LINGO1: variants seen among roughly 807,000 people sequenced by gnomAD.
LINGO1 encodes leucine-rich repeat and immunoglobulin-like domain-containing nogo receptor-interacting protein 1.
In LINGO1, 11 loss-of-function variants were observed where a neutral mutation model predicts 37.3. The ratio of observed to expected loss-of-function variants is 0.29; its 90% CI spans 0.19 to 0.49. The LOEUF is 0.49. Among genes scored for constraint, LINGO1 ranks in the 20% least tolerant of loss-of-function variants. The pLI, the probability that LINGO1 is intolerant of heterozygous loss-of-function variation, is 0.99. For missense variants in LINGO1, 585 were observed against 878.2 expected (o/e 0.67, Z 4.22); for synonymous variants, 387 against 403.0 (o/e 0.96, Z 0.48).
intron 1 of LINGO1, among the ~76,000 whole-genome samples, chr15:77,765,000 C>T (rs2076513376): frequency 6.6e-6 from 1 of 152,190 alleles, no homozygotes; most frequent in African/African-American, 2.4e-5. Flanking sequence ...AACCCCATCA[C>T]AACAGTGAAG....
chr15:77,744,531 C>T (rs879143637), intron 1 of LINGO1, among the ~76,000 whole-genome samples: 14 of 152,136 alleles, frequency 9.2e-5, no homozygotes, highest in Admixed American at 7.2e-4. Context: ...TGAGACCCTA[C>T]ATCAAAATTA....
intron 1 of LINGO1, among the ~76,000 whole-genome samples, chr15:77,776,660 T>C (rs952537509): frequency 6.6e-6 from 1 of 152,074 alleles, no homozygotes; most frequent in East Asian, 1.9e-4. Flanking sequence ...GCTGGTGTTA[T>C]GAAGAAGAAA....
intron 2 of LINGO1, among the ~76,000 whole-genome samples, chr15:77,722,037 C>T (rs928397715): frequency 1.1e-4 from 16 of 152,212 alleles, no homozygotes; most frequent in Non-Finnish European, 1.0e-4. Context: ...CTTGATGCTC[C>T]CACCCCTCTC....
intron 2 of LINGO1, among the ~76,000 whole-genome samples, chr15:77,684,396 G>A (rs1260410876): frequency 6.6e-6 from 1 of 152,226 alleles, no homozygotes; most frequent in East Asian, 1.9e-4. Flanking sequence ...GAGGGGGTAA[G>A]TGGACCTAGG....
chr15:77,646,389 A>AG, intron 3 of LINGO1: 1 of 450,788 alleles, frequency 2.2e-6, no homozygotes, highest in Non-Finnish European at 4.5e-6. Context: ...TCCCCACAGG[A>AG]CACCCCTCTG....
At chr15:77,723,006 G>A (rs1329349618) in intron 2 of LINGO1, among the ~76,000 whole-genome samples, 7 of 152,190 alleles carry the variant, frequency 4.6e-5, no homozygotes, top group Admixed American at 3.9e-4. Flanking sequence ...CAGGTCGGGG[G>A]CCCTCAGGAC....
At chr15:77,777,256 T>C (rs1212357133) in intron 1 of LINGO1, among the ~76,000 whole-genome samples, 1 of 106,702 alleles carries the variant, frequency 9.4e-6, no homozygotes, top group African/African-American at 3.6e-5. Flanking sequence ...CTGTCGTTGT[T>C]ATCATGGTGG....
intron 1 of LINGO1, among the ~76,000 whole-genome samples, chr15:77,773,269 T>C (rs2076603767): frequency 6.6e-6 from 1 of 152,222 alleles, no homozygotes; most frequent in Non-Finnish European, 1.5e-5. Context: ...TGCAGCAGGC[T>C]GTGGGGGAAG....
intron 1 of LINGO1, among the ~76,000 whole-genome samples, chr15:77,752,648 T>G (rs1194062707): frequency 1.3e-5 from 2 of 152,110 alleles, no homozygotes; most frequent in Non-Finnish European, 2.9e-5. Context: ...CAGCCAACCC[T>G]AGGTAAGGGA....
rs560990471 is a variant in LINGO1 at position 77,627,255 on chromosome 15, G to A, written c.6+5055C>T. 1.1e-3 allele frequency among the ~76,000 whole-genome samples: 168 copies of A among 152,210 alleles called. 1 individual carries two copies. Among genetic ancestry groups the A allele is most frequent in the Middle Eastern group, 3.4e-3 (1 of 294 alleles). On this transcript the variant is annotated intron_variant, in intron 1 of 1. Transcript: ENST00000355300. Reference sequence around the variant, plus strand: ...AATTATTCCGCCAGCCCCGGTGCTCGTCTTTAACCAGCTCCAGGGGCCCAG... The same window carrying A: ...AATTATTCCGCCAGCCCCGGTGCTCATCTTTAACCAGCTCCAGGGGCCCAG...
At chr15:77,739,305 T>C (rs905413046) in intron 1 of LINGO1, among the ~76,000 whole-genome samples, 13 of 152,190 alleles carry the variant, frequency 8.5e-5, no homozygotes, top group Non-Finnish European at 1.5e-5. Flanking sequence ...AGAAGATTGA[T>C]CTTTGCCTGA....
intron 1 of LINGO1, among the ~76,000 whole-genome samples, chr15:77,809,763 G>C (rs961949400): frequency 6.6e-6 from 1 of 152,200 alleles, no homozygotes; most frequent in Non-Finnish European, 1.5e-5. Flanking sequence ...AGCAGAGGAC[G>C]CCCAGCCCCT....
intron 2 of LINGO1, among the ~76,000 whole-genome samples, chr15:77,792,128 C>A (rs985006244): frequency 6.6e-6 from 1 of 152,218 alleles, no homozygotes; most frequent in Non-Finnish European, 1.5e-5. Flanking sequence ...ACCTCAAACA[C>A]TTCCAAGCAG....
At chr15:77,815,373 C>G (rs1370535603) in intron 1 of LINGO1, among the ~76,000 whole-genome samples, 1 of 147,278 alleles carries the variant, frequency 6.8e-6, no homozygotes, top group Admixed American at 6.8e-5. Flanking sequence ...TGCTTAGTGA[C>G]CTTGTGCTAG....
chr15:77,751,264 A>C (rs1447728214), intron 1 of LINGO1, among the ~76,000 whole-genome samples: 1 of 152,200 alleles, frequency 6.6e-6, no homozygotes, highest in Admixed American at 6.5e-5. Flanking sequence ...GTCTACCAAA[A>C]GTAAGGGAAT....
intron 1 of LINGO1, among the ~76,000 whole-genome samples, chr15:77,625,414 G>A (rs1877295): frequency 0.17 from 26,600 of 152,178 alleles, 4,949 homozygotes; most frequent in African/African-American, 0.47. Context: ...GCAGATGGAA[G>A]AAGCAGAAGC....
At chr15:77,745,305 A>T (rs1347224643) in intron 1 of LINGO1, among the ~76,000 whole-genome samples, 1 of 151,668 alleles carries the variant, frequency 6.6e-6, no homozygotes, top group Admixed American at 6.6e-5. Flanking sequence ...GGGCGCTTGT[A>T]GTCCCAGCTA....
chr15:77,718,695 C>T lies in LINGO1; in HGVS notation c.-195+16297G>A, dbSNP rs1449794972. 1.3e-5 allele frequency among the ~76,000 whole-genome samples: 2 copies of T among 150,802 alleles called. 1 individual carries two copies. The highest frequency in any genetic ancestry group is 3.0e-5 in the Non-Finnish European group (2 of 67,610). Reference sequence around the variant, plus strand: ...TCACTTTCTCTGGCAGTATAGACCCCTTAGTCACAACTGCGTGGCCTTGGT... The same window carrying T: ...TCACTTTCTCTGGCAGTATAGACCCTTTAGTCACAACTGCGTGGCCTTGGT... On this transcript the variant is annotated intron_variant, in intron 2 of 3. Coordinates refer to the LINGO1 transcript ENST00000561686.
intron 2 of LINGO1, among the ~76,000 whole-genome samples, chr15:77,733,811 A>G (rs2076176285): frequency 6.6e-6 from 1 of 152,194 alleles, no homozygotes; most frequent in Non-Finnish European, 1.5e-5. Context: ...CCCAAATGAC[A>G]GGAGGCTGCA....
Sources: gnomAD v4.1 joint callset for allele counts (sites outside exome capture counted in the v4.1 genomes callset) on GRCh38, gnomAD v4.1.1 for gene constraint, MANE v1.5 for transcripts, NCBI Gene and HGNC (gene_info 2026-07-23, HGNC 2026-07-21) for gene names.